EPB41L4A: variants seen among roughly 807,000 people sequenced by gnomAD.
EPB41L4A encodes erythrocyte membrane protein band 4.1 like 4A, also known as band 4.1-like protein 4A.
In EPB41L4A, 100 loss-of-function variants were observed where a neutral mutation model predicts 108.6. The ratio of observed to expected loss-of-function variants is 0.92; its 90% confidence interval spans 0.78 to 1.09. The LOEUF (loss-of-function observed/expected upper bound fraction) is 1.09. EPB41L4A is among the 50% of genes least tolerant of loss of function. EPB41L4A has a pLI of 0.00. For synonymous variants in EPB41L4A, 319 were observed against 289.0 expected (o/e 1.10, Z -1.05); for missense variants, 1,030 against 842.7 (o/e 1.22, Z -2.75).
At position 112,164,620 on chromosome 5, in the gene EPB41L4A, G is replaced by T. The variant is rs139249723; in HGVS notation, c.*370C>A. 1.5e-4 allele frequency: 24 copies of T among 155,822 alleles called. No homozygotes were observed. The East Asian group carries it at 4.5e-3, about 29-fold the overall frequency. The allele number at this position is 155,822 out of a possible 1,614,324, so 9.7% of individuals were successfully genotyped here. The stretch of plus-strand genomic sequence containing the variant: ...AGGCTGAGGCAGGCGGATCACTTGA[G>T]GTCAGGAGTTCGAGACCAGCCTCCA... On this transcript the variant is annotated 3_prime_UTR_variant, in exon 23 of 23. Coordinates refer to ENST00000261486, the MANE Select transcript of EPB41L4A (RefSeq NM_022140.5).
intron 2 of EPB41L4A, among the ~76,000 whole-genome samples, chr5:112,289,149 T>C (rs1366333409): frequency 6.6e-6 from 1 of 152,068 alleles, no homozygotes; most frequent in East Asian, 1.9e-4. Flanking sequence ...GTATATGGTG[T>C]AGTGATGGAA....
intron 1 of EPB41L4A, among the ~76,000 whole-genome samples, chr5:112,344,626 A>G (rs1757521047): frequency 6.6e-6 from 1 of 152,244 alleles, no homozygotes; most frequent in African/African-American, 2.4e-5. Flanking sequence ...TGGGTGGGTC[A>G]GATTCAATCC....
At chr5:112,332,778 TAA>T (rs1453296389) in intron 1 of EPB41L4A, among the ~76,000 whole-genome samples, 4 of 152,242 alleles carry the variant, frequency 2.6e-5, no homozygotes, top group African/African-American at 9.6e-5. Context: ...TTTGGCTTTT[TAA>T]AAACTCTGCC....
chr5:112,240,015 T>C (rs1749657447), intron 10 of EPB41L4A, among the ~76,000 whole-genome samples: 1 of 152,182 alleles, frequency 6.6e-6, no homozygotes, highest in South Asian at 2.1e-4. Context: ...GAAAAAAGTA[T>C]CCCCACAATC....
intron 1 of EPB41L4A, among the ~76,000 whole-genome samples, chr5:112,343,186 C>T (rs1411412803): frequency 1.3e-5 from 2 of 152,164 alleles, no homozygotes; most frequent in Non-Finnish European, 2.9e-5. Flanking sequence ...ATTCTCCCAA[C>T]AGCCCCCGAA....
intron 1 of EPB41L4A, among the ~76,000 whole-genome samples, chr5:112,358,271 C>T (rs116387078): frequency 0.011 from 1,636 of 152,322 alleles, 41 homozygotes; most frequent in South Asian, 0.05. Context: ...TACACATACA[C>T]ACATGAATTT....
chr5:112,398,482 G>A (rs112615931), intron 1 of EPB41L4A, among the ~76,000 whole-genome samples: 5,166 of 152,104 alleles, frequency 0.034, 293 homozygotes, highest in African/African-American at 0.12. Context: ...TCTGCCTCCC[G>A]GGTTCAAGTG....
chr5:112,269,670 ATCATT>A (rs1752123407), intron 4 of EPB41L4A, among the ~76,000 whole-genome samples: 2 of 152,166 alleles, frequency 1.3e-5, no homozygotes, highest in Non-Finnish European at 2.9e-5. Context: ...AACTCACTTC[ATCATT>A]CTCTAAAGTG....
At position 112,307,483 on chromosome 5, in the gene EPB41L4A, G is replaced by A. The variant is rs187394282; in HGVS notation, c.107C>T (p.Thr36Met). 4.8e-5 allele frequency: 77 copies of A among 1,609,848 alleles called. No homozygotes were observed. The highest frequency in any genetic ancestry group is 8.9e-5 in the East Asian group (4 of 44,842). Residue 36 changes from threonine (T) to methionine (M), a missense_variant, in exon 2 of 23, where the codon ACG becomes ATG. Physicochemically the swap from Thr to Met is moderately conservative, Grantham distance 81. Transcript: ENST00000261486. ...TTQQQGIKKS[T>M]KGSVVLDHVF... ...GTGGTCAAGGACAACGGAACCTTTC[G>A]TTGACTTCTGCAAAAATAATTCAGT...
chr5:112,334,436 C>T (rs1756789653), intron 1 of EPB41L4A, among the ~76,000 whole-genome samples: 1 of 152,282 alleles, frequency 6.6e-6, no homozygotes, highest in East Asian at 1.9e-4. Flanking sequence ...TATTTGCCAT[C>T]TATTGCCTCT....
At chr5:112,228,934 C>A (rs1357160518) in intron 12 of EPB41L4A, among the ~76,000 whole-genome samples, 1 of 152,210 alleles carries the variant, frequency 6.6e-6, no homozygotes, top group Non-Finnish European at 1.5e-5. Flanking sequence ...CCAGGGCCTG[C>A]ACTTGGCAAA....
At chr5:112,309,014 T>C (rs1418104825) in intron 1 of EPB41L4A, among the ~76,000 whole-genome samples, 1 of 152,228 alleles carries the variant, frequency 6.6e-6, no homozygotes, top group Non-Finnish European at 1.5e-5. Flanking sequence ...AGGCATTCCC[T>C]AACCCAAAGT....
intron 1 of EPB41L4A, among the ~76,000 whole-genome samples, chr5:112,334,871 G>A (rs1756816968): frequency 6.6e-6 from 1 of 152,106 alleles, no homozygotes; most frequent in East Asian, 1.9e-4. Context: ...ACAACAGTGA[G>A]TATAAGAAAA....
chr5:112,264,164 G>A (rs1751685009), intron 6 of EPB41L4A: 1 of 152,112 alleles, frequency 6.6e-6, no homozygotes. Flanking sequence ...TATTCAAGAG[G>A]AAGTGTTACA....
At chr5:112,380,385 T>C (rs1259224598) in intron 1 of EPB41L4A, among the ~76,000 whole-genome samples, 1 of 152,214 alleles carries the variant, frequency 6.6e-6, no homozygotes, top group African/African-American at 2.4e-5. Context: ...TGTAACTTTA[T>C]TCTGTTAAAT....
chr5:112,311,227 T>C (rs1453671136), intron 1 of EPB41L4A, among the ~76,000 whole-genome samples: 1 of 152,148 alleles, frequency 6.6e-6, no homozygotes, highest in Admixed American at 6.5e-5. Context: ...TTTCTGAATA[T>C]GTATGTTTGG....
chr5:112,169,200 C>A, intron 20 of EPB41L4A, 95 bp from the exon 21 acceptor site: 1 of 879,308 alleles, frequency 1.1e-6, no homozygotes, highest in South Asian at 1.4e-5. Context: ...AGAATAACAA[C>A]TTTCAGAGTT....
intron 4 of EPB41L4A, among the ~76,000 whole-genome samples, chr5:112,271,779 C>T (rs1405452213): frequency 6.6e-6 from 1 of 152,144 alleles, no homozygotes; most frequent in Non-Finnish European, 1.5e-5. Flanking sequence ...CTGCATAGAC[C>T]ATCAGGGAAT....
At chr5:112,245,636 G>A (rs1352469056) in intron 9 of EPB41L4A, among the ~76,000 whole-genome samples, 1 of 152,138 alleles carries the variant, frequency 6.6e-6, no homozygotes, top group Non-Finnish European at 1.5e-5. Context: ...GGATGACAAG[G>A]GAATAGACAA....
Sources: allele counts gnomAD v4.1 joint callset (sites outside exome capture counted in the v4.1 genomes callset), GRCh38; gene constraint gnomAD v4.1.1; transcripts MANE v1.5; gene names NCBI Gene and HGNC (gene_info 2026-07-23, HGNC 2026-07-21).